UGT3A2: variants seen among roughly 807,000 people sequenced by gnomAD.
UGT3A2 encodes UDP-glycosyltransferase 3A2.
A neutral mutation model predicts 39.8 loss-of-function variants in UGT3A2; 32 were observed. That is an observed-to-expected ratio of 0.80 (90% CI 0.61 to 1.08). The LOEUF (loss-of-function observed/expected upper bound fraction) is 1.08. Among genes scored for constraint, UGT3A2 ranks in the 50% least tolerant of loss-of-function variants. The probability of loss-of-function intolerance (pLI) is 0.00; values close to 1 mark genes in which losing one functional copy is unlikely to be tolerated. For missense variants in UGT3A2, 611 were observed against 637.1 expected (o/e 0.96, Z 0.44); for synonymous variants, 241 against 230.7 (o/e 1.04, Z -0.40).
intron 4 of UGT3A2, among the ~76,000 whole-genome samples, chr5:36,047,866 A>G (rs1192450415): frequency 6.6e-6 from 1 of 152,116 alleles, no homozygotes; most frequent in Non-Finnish European, 1.5e-5. Context: ...AGCCAGCCTT[A>G]TGGCCATCTC....
In UGT3A2 at chr5:36,037,943, C is replaced by A; in HGVS notation, c.1149G>T (p.Val383=). The change falls in exon 6 of 7, where the codon GTG becomes GTT. Residue 383 remains valine (V), a synonymous_variant. Transcript: ENST00000282507. ...NSIMEAIQHG[V]PMVGIPLFGD... The stretch of plus-strand genomic sequence containing the variant: ...CAAAGAGAGGGATCCCCACCATGGG[C>A]ACACCATGCTGGATGGCCTCCATTA... 6.2e-7 allele frequency: 1 copy of A among 1,614,142 alleles called. No homozygotes were observed. Among genetic ancestry groups the A allele is most frequent in the Non-Finnish European group, 8.5e-7 (1 of 1,180,012 alleles).
intron 3 of UGT3A2, among the ~76,000 whole-genome samples, chr5:36,050,226 T>C (rs528835689): frequency 1.9e-4 from 29 of 152,212 alleles, no homozygotes; most frequent in African/African-American, 7.0e-4. Context: ...GATAAGATAA[T>C]GTCAAAGCTT....
At chr5:36,036,782 G>C (rs531339561) in intron 6 of UGT3A2, among the ~76,000 whole-genome samples, 1 of 152,232 alleles carries the variant, frequency 6.6e-6, no homozygotes, top group Non-Finnish European at 1.5e-5. Flanking sequence ...TAGAACTGCT[G>C]AGTGTCTCCT....
Position 36,066,831 on chromosome 5 carries a change from C to T in UGT3A2, c.-42G>A. The T allele has an allele frequency of 6.2e-7, 1 of 1,611,788 alleles. No homozygotes were observed. On this transcript the variant is annotated 5_prime_UTR_variant, in exon 1 of 7. Coordinates refer to ENST00000282507, the MANE Select transcript of UGT3A2 (RefSeq NM_174914.4). ...GCCGCGGATCTCAGCCTGGGCTGCG[C>T]GCCCTGCGCCCGGCTAAGGGACCCT...
chr5:36,035,277 C>A lies in UGT3A2; in HGVS notation c.*421G>T. 1 of 193,894 alleles carries A rather than the reference C, an allele frequency of 5.2e-6. No homozygotes were observed. Among genetic ancestry groups the A allele is most frequent in the Non-Finnish European group, 1.1e-5 (1 of 91,990 alleles). The allele number at this position is 193,894 out of a possible 1,614,324, so 12.0% of individuals were successfully genotyped here. Reference sequence around the variant, plus strand: ...AAGGTGTCTTTCTTGGATGTTATTCCATGATAGATAGTAGGGGCAGGAGTG... The same window carrying A: ...AAGGTGTCTTTCTTGGATGTTATTCAATGATAGATAGTAGGGGCAGGAGTG... On this transcript the variant is annotated 3_prime_UTR_variant, in exon 7 of 7. Coordinates refer to ENST00000282507, the MANE Select transcript of UGT3A2 (RefSeq NM_174914.4).
chr5:36,041,606 A>G (rs528481757), intron 4 of UGT3A2, among the ~76,000 whole-genome samples: 1 of 152,302 alleles, frequency 6.6e-6, no homozygotes, highest in East Asian at 1.9e-4. Context: ...TGGTAATCCA[A>G]GGAATTCTCC....
chr5:36,059,912 G>A (rs895168565), intron 2 of UGT3A2, among the ~76,000 whole-genome samples: 2 of 152,110 alleles, frequency 1.3e-5, no homozygotes, highest in Non-Finnish European at 2.9e-5. Flanking sequence ...AGGTGTGTGC[G>A]ACCATGGAAC....
intron 2 of UGT3A2, among the ~76,000 whole-genome samples, chr5:36,059,476 G>T (rs1244517394): frequency 6.6e-6 from 1 of 151,756 alleles, no homozygotes; most frequent in East Asian, 1.9e-4. Context: ...GCAGGAGAGG[G>T]AGGATGAAAA....
At chr5:36,055,225 G>GTTGTT (rs1554078769) in intron 2 of UGT3A2, among the ~76,000 whole-genome samples, 10 of 150,900 alleles carry the variant, frequency 6.6e-5, no homozygotes, top group African/African-American at 2.4e-4. Flanking sequence ...CTGCTCTGCA[G>GTTGTT]TTTGTTTTTT....
intron 2 of UGT3A2, among the ~76,000 whole-genome samples, chr5:36,052,324 T>G (rs1742370193): frequency 6.6e-6 from 1 of 152,230 alleles, no homozygotes; most frequent in Non-Finnish European, 1.5e-5. Context: ...AAAACAATCA[T>G]TTTTATTATT....
Position 36,066,807 on chromosome 5 carries a change from C to T in UGT3A2, c.-18G>A, listed in dbSNP as rs767713701. ...CCAGCCATGCTCACTTCTACGGAAG[C>T]CGCGGATCTCAGCCTGGGCTGCGCG... On this transcript the variant is annotated 5_prime_UTR_variant, in exon 1 of 7. Coordinates refer to ENST00000282507, the MANE Select transcript of UGT3A2 (RefSeq NM_174914.4). The T allele has an allele frequency of 1.9e-6, 3 of 1,614,118 alleles. No homozygotes were observed. The highest frequency in any genetic ancestry group is 2.5e-6 in the Non-Finnish European group (3 of 1,179,966).
chr5:36,065,396 GAAGAAGGGGTCCCC>G (rs1742850154), intron 1 of UGT3A2, among the ~76,000 whole-genome samples: 1 of 152,142 alleles, frequency 6.6e-6, no homozygotes, highest in Non-Finnish European at 1.5e-5. Context: ...AGGGAGCTGG[GAAGAAGGGGTCCCC>G]ACAGAAACAG....
In UGT3A2 at chr5:36,035,802, C is replaced by G; in HGVS notation, c.1468G>C (p.Val490Leu). ...WHEQYLLDVF[V>L]FLLGLTLGTL... Reference sequence around the variant, plus strand: ...CCCAGAGTGAGCCCCAGCAGAAACACAAAAACGTCGAGCAGGTACTGCTCA... The same window carrying G: ...CCCAGAGTGAGCCCCAGCAGAAACAGAAAAACGTCGAGCAGGTACTGCTCA... The change falls in exon 7 of 7, where the codon GTG becomes CTG. Residue 490 changes from valine (V) to leucine (L), a missense_variant. Val to Leu is a conservative substitution (Grantham distance 32). Coordinates refer to ENST00000282507, the MANE Select transcript of UGT3A2 (RefSeq NM_174914.4). 4.3e-6 allele frequency: 7 copies of G among 1,614,122 alleles called. No homozygotes were observed. The highest frequency in any genetic ancestry group is 5.9e-6 in the Non-Finnish European group (7 of 1,180,026).
intron 2 of UGT3A2, among the ~76,000 whole-genome samples, chr5:36,054,648 A>ATACC (rs1303414451): frequency 6.6e-6 from 1 of 151,544 alleles, no homozygotes; most frequent in African/African-American, 2.4e-5. Flanking sequence ...CAGGCATAGG[A>ATACC]TACCAATTAT....
At chr5:36,059,195 A>G (rs189047300) in intron 2 of UGT3A2, among the ~76,000 whole-genome samples, 1 of 152,268 alleles carries the variant, frequency 6.6e-6, no homozygotes, top group African/African-American at 2.4e-5. Context: ...AAAGCCCAGA[A>G]AAAATTAAAA....
At chr5:36,046,834 C>A (rs1742182118) in intron 4 of UGT3A2, among the ~76,000 whole-genome samples, 1 of 152,162 alleles carries the variant, frequency 6.6e-6, no homozygotes, top group Admixed American at 6.5e-5. Context: ...AGTAGTAATG[C>A]TCTGTCCCAA....
intron 3 of UGT3A2, 82 bp from the exon 4 acceptor site, chr5:36,049,502 A>G (rs532860334): frequency 8.9e-7 from 1 of 1,128,902 alleles, no homozygotes; most frequent in Non-Finnish European, 1.2e-6. Context: ...TACAAAGAAA[A>G]TATCCCAGGA....
At position 36,039,517 on chromosome 5, in the gene UGT3A2, A is replaced by T. The variant is rs1741935825; in HGVS notation, c.1035T>A (p.Asn345Lys). ...GAGGAAGCCAGTCCACAATTTTCAC[A>T]TTTGCAGCCAGGTGGACATCTTTGG... Reference protein sequence around the residue: ...HWPKDVHLAANVKIVDWLPQS... With the variant: ...HWPKDVHLAAKVKIVDWLPQS... The change falls in exon 5 of 7, where the codon AAT becomes AAA. Residue 345 changes from asparagine to lysine, a missense_variant. By Grantham distance (94) the Asn-to-Lys change is moderately conservative. Transcript: ENST00000282507. 10 of 1,614,162 alleles carry T rather than the reference A, an allele frequency of 6.2e-6. No homozygotes were observed. In the South Asian group the frequency reaches 1.1e-4, roughly 18 times the overall value.
At chr5:36,052,521 C>A (rs1742378002) in intron 2 of UGT3A2, among the ~76,000 whole-genome samples, 1 of 152,066 alleles carries the variant, frequency 6.6e-6, no homozygotes, top group Non-Finnish European at 1.5e-5. Context: ...TTTCCCCTTC[C>A]CAACCCCATG....
Sources: gnomAD v4.1 joint callset for allele counts (sites outside exome capture counted in the v4.1 genomes callset) on GRCh38, gnomAD v4.1.1 for gene constraint, MANE v1.5 for transcripts, NCBI Gene and HGNC (gene_info 2026-07-23, HGNC 2026-07-21) for gene names.